Variants in SYNE1 observed in about 807,000 individuals in gnomAD.
SYNE1 encodes nesprin-1.
Under a neutral mutation model 1,111.0 loss-of-function variants are expected in SYNE1, and 616 were observed. The ratio of observed to expected loss-of-function variants is 0.55; its 90% CI spans 0.52 to 0.59. SYNE1 has a LOEUF of 0.59. Ranked by LOEUF, SYNE1 falls within the 20% of genes least tolerant of loss-of-function variation. The probability of loss-of-function intolerance (pLI) is 0.00; values close to 1 mark genes in which losing one functional copy is unlikely to be tolerated. For missense variants in SYNE1, 10,006 were observed against 10,417.0 expected, an observed-to-expected ratio of 0.96 and a Z score of 1.72; for synonymous variants, 3,855 against 3,825.8, an observed-to-expected ratio of 1.01 and a Z score of -0.28.
Position 152,416,958 on chromosome 6 carries a change from A to C in SYNE1, c.5479T>G (p.Leu1827Val). 1 of 1,614,208 alleles carries C rather than the reference A, an allele frequency of 6.2e-7. No homozygotes were observed. The highest frequency in any genetic ancestry group is 8.5e-7 in the Non-Finnish European group (1 of 1,180,040). ...KGELQSLQGH[L>V]AKLGSLGRAE... is the part of the protein sequence containing the mutation. ...CGGCCCAGAGAACCCAACTTTGCTA[A>C]GTGACCCTGCAGACTCTGCAATTCG... The change falls in exon 41 of 146, where the codon TTA becomes GTA. Residue 1827 changes from leucine (L) to valine (V), a missense_variant. This residue lies in a region of SYNE1 where 4,955 missense variants were observed against 5,017.2 expected (regional missense o/e 0.99). Coordinates refer to ENST00000367255, the MANE Select transcript of SYNE1 (RefSeq NM_182961.4).
At chr6:152,550,323 T>C (rs1454037990) in intron 3 of SYNE1, among the ~76,000 whole-genome samples, 1 of 152,192 alleles carries the variant, frequency 6.6e-6, no homozygotes, top group Non-Finnish European at 1.5e-5. Flanking sequence ...TGATTTATCT[T>C]ATAATTCTTA....
chr6:152,230,834 T>G, intron 114 of SYNE1, 132 bp from the exon 115 acceptor site: 1 of 1,053,738 alleles, frequency 9.5e-7, no homozygotes, highest in Non-Finnish European at 1.4e-6. Flanking sequence ...TATATATGAT[T>G]TAAAACAGGG....
In SYNE1 at chr6:152,283,991, C is replaced by T. The variant is rs777432650; in HGVS notation, c.18194G>A (p.Arg6065Gln). The stretch of plus-strand genomic sequence containing the variant: ...GTTATTGGTTACCTCCAAAAGCTGC[C>T]GTTTCCCCGAGGCTTTCATCCTGAT... ...STIRMKASGKRQLLEEKLNDQ... is the reference protein window; with the variant it reads ...STIRMKASGKQQLLEEKLNDQ... The change falls in exon 96 of 146, where the codon CGG (arginine) becomes CAG (glutamine). Residue 6065 changes from arginine to glutamine, a missense_variant. Transcript: ENST00000367255. The T allele has an allele frequency of 1.3e-5, 21 of 1,614,062 alleles. No individual in the cohort carries two copies. Among genetic ancestry groups the T allele is most frequent in the South Asian group, 1.1e-4 (10 of 91,078 alleles).
At chr6:152,205,148 T>TAA (rs201591711) in intron 126 of SYNE1, among the ~76,000 whole-genome samples, 7 of 145,770 alleles carry the variant, frequency 4.8e-5, no homozygotes, top group Non-Finnish European at 9.1e-5. Context: ...CTTTAAGCAT[T>TAA]AAAAAAAAAA....
chr6:152,347,523 T>C (rs2096658399), intron 72 of SYNE1, among the ~76,000 whole-genome samples: 1 of 152,188 alleles, frequency 6.6e-6, no homozygotes, highest in South Asian at 2.1e-4. Flanking sequence ...CTCCATGGTA[T>C]TATTACCAGA....
chr6:152,349,882 A>G (rs1252545488), intron 72 of SYNE1, among the ~76,000 whole-genome samples: 1 of 152,194 alleles, frequency 6.6e-6, no homozygotes, highest in Non-Finnish European at 1.5e-5. Context: ...GTCTGCTGCC[A>G]TGTGAGATGT....
At chr6:152,377,013 G>C (rs1262208724) in intron 56 of SYNE1, 101 bp from the exon 57 acceptor site, 2 of 1,427,926 alleles carry the variant, frequency 1.4e-6, no homozygotes, top group Non-Finnish European at 9.7e-7. Flanking sequence ...TTATTAGTGA[G>C]AGAAGAACCA....
chr6:152,581,068 CT>C (rs1162592225), intron 3 of SYNE1, among the ~76,000 whole-genome samples: 4 of 152,200 alleles, frequency 2.6e-5, no homozygotes, highest in Non-Finnish European at 5.9e-5. Context: ...CAAAACCTAC[CT>C]AGTTAAAATG....
chr6:152,304,634 T>A (rs1259047117), intron 91 of SYNE1, among the ~76,000 whole-genome samples: 3 of 152,188 alleles, frequency 2.0e-5, no homozygotes, highest in African/African-American at 7.2e-5. Context: ...ATTTGAGGAA[T>A]CTTTATGAAG....
At chr6:152,402,649 G>A (rs2281370) in intron 46 of SYNE1, 33,407 of 152,086 alleles carry the variant, frequency 0.22, 4,115 homozygotes, top group East Asian at 0.53. Context: ...TGGCACTGCC[G>A]GAACCCTTCT....
rs749440851 is a variant in SYNE1 at position 152,505,244 on chromosome 6, G to A, written c.735C>T (p.Ile245=). The A allele has an allele frequency of 3.3e-5, 54 of 1,613,838 alleles. No individual in the cohort carries two copies. Among genetic ancestry groups the A allele is most frequent in the Admixed American group, 1.7e-4 (10 of 59,970 alleles). The change falls in exon 9 of 146, where the codon ATC becomes ATT. Residue 245 remains isoleucine, a synonymous_variant. Coordinates refer to ENST00000367255, the MANE Select transcript of SYNE1 (RefSeq NM_182961.4). The stretch of plus-strand genomic sequence containing the variant: ...TTGGGATCCCCAGTTCTGTTTCGGC[G>A]ATAGTGAAAGCATCCTCCAAATTTT... The part of the protein sequence containing the change: ...NRENLEDAFT[I]AETELGIPRL...
intron 105 of SYNE1, among the ~76,000 whole-genome samples, chr6:152,248,722 T>C (rs2088188688): frequency 6.6e-6 from 1 of 152,208 alleles, no homozygotes; most frequent in African/African-American, 2.4e-5. Context: ...ATATCTTTCT[T>C]TCCTGTTGTT....
intron 3 of SYNE1, among the ~76,000 whole-genome samples, chr6:152,571,857 T>G (rs1356023500): frequency 6.6e-6 from 1 of 152,364 alleles, no homozygotes; most frequent in South Asian, 2.1e-4. Context: ...ATTTTCTACT[T>G]ACTTGCTATA....
chr6:152,389,362 C>T (rs7756948), intron 53 of SYNE1, among the ~76,000 whole-genome samples: 9,891 of 152,138 alleles, frequency 0.065, 1,139 homozygotes, highest in African/African-American at 0.23. Context: ...TCCCACCTTC[C>T]ACCCTCAAGG....
chr6:152,473,982 G>A (rs1043677293), intron 14 of SYNE1, among the ~76,000 whole-genome samples: 2 of 152,050 alleles, frequency 1.3e-5, no homozygotes, highest in African/African-American at 2.4e-5. Flanking sequence ...TCAGGAGTTC[G>A]AGATCAGCCT....
intron 47 of SYNE1, 99 bp from the exon 48 acceptor site, chr6:152,399,922 G>T (rs1194691607): frequency 3.0e-6 from 4 of 1,312,666 alleles, no homozygotes; most frequent in Non-Finnish European, 4.3e-6. Flanking sequence ...AATTGACATT[G>T]TTGAATCCAC....
intron 80 of SYNE1, among the ~76,000 whole-genome samples, 194 bp from the exon 81 acceptor site, chr6:152,325,496 A>T (rs2096039949): frequency 6.6e-6 from 1 of 152,178 alleles, no homozygotes; most frequent in Admixed American, 6.5e-5. Context: ...CTTTTTAAAG[A>T]GGTAAGGTGA....
intron 93 of SYNE1, among the ~76,000 whole-genome samples, chr6:152,294,392 C>G (rs570511409): frequency 2.6e-5 from 4 of 152,136 alleles, no homozygotes; most frequent in African/African-American, 9.7e-5. Context: ...CAATCTTATT[C>G]TATGTTTGTT....
Position 152,225,962 on chromosome 6 carries a change from T to A in SYNE1, c.21196-86A>T, listed in dbSNP as rs2081483860. ...GAAATTGGGCCATTATAGTTTCATG[T>A]CCTAAAAACCTTTTACTAATCCAAA... On this transcript the variant is annotated intron_variant, in intron 115 of 145. Transcript: ENST00000367255. The A allele has an allele frequency of 4.4e-6, 6 of 1,367,010 alleles. No homozygotes were observed. In the South Asian group the frequency reaches 7.5e-5, roughly 17 times the overall value. The allele number at this position is 1,367,010 out of a possible 1,614,324, so 84.7% of individuals were successfully genotyped here.
Sources: allele counts gnomAD v4.1 joint callset (sites outside exome capture counted in the v4.1 genomes callset), GRCh38; gene constraint gnomAD v4.1.1; regional missense constraint gnomAD v4.1.1; transcripts MANE v1.5; gene names NCBI Gene and HGNC (gene_info 2026-07-23, HGNC 2026-07-21).